Variants in YBEY observed in about 807,000 individuals in gnomAD.
YBEY encodes the protein endoribonuclease YbeY.
A neutral mutation model predicts 13.5 loss-of-function variants in YBEY; 15 were observed. That is an observed-to-expected ratio of 1.11 (90% CI 0.75 to 1.72). YBEY has a LOEUF of 1.72. Among genes scored for constraint, YBEY ranks in the 40% most tolerant of loss-of-function variants. The pLI is 0.00. For missense variants in YBEY, 244 were observed against 208.4 expected (o/e 1.17, Z -1.05); for synonymous variants, 101 against 83.1 (o/e 1.21, Z -1.17).
At position 46,286,878 on chromosome 21, in the gene YBEY, G is replaced by A; in HGVS notation, c.-36G>A. ...TTACACTTTAACCCCAGGTTCCGTT[G>A]CAAACATTTTTAAAGGGCTGGTTAT... On this transcript the variant is annotated 5_prime_UTR_variant, in exon 2 of 5. Transcript: ENST00000397701. The A allele has an allele frequency of 6.2e-7, 1 of 1,608,654 alleles. No individual in the cohort carries two copies. The highest frequency in any genetic ancestry group is 8.5e-7 in the Non-Finnish European group (1 of 1,175,846).
At chr21:46,292,595 C>T (rs1268840169) in intron 3 of YBEY, among the ~76,000 whole-genome samples, 13 of 123,692 alleles carry the variant, frequency 1.1e-4, no homozygotes, top group East Asian at 1.0e-3. Context: ...CGCGGTTAGC[C>T]TGACCCGTGC....
the YBEY span, among the ~76,000 whole-genome samples, chr21:46,309,959 T>C: frequency 4.6e-5 from 7 of 152,112 alleles, no homozygotes; most frequent in Non-Finnish European, 8.8e-5. Context: ...ATCACGCCAC[T>C]GCACTCCAGC....
the YBEY span, among the ~76,000 whole-genome samples, chr21:46,311,214 T>G: frequency 6.6e-6 from 1 of 152,200 alleles, no homozygotes; most frequent in Admixed American, 6.5e-5. Context: ...GGTTTTTGAA[T>G]GGATGATGAT....
At chr21:46,298,434 C>CTTTTTTTTTTTTTTT (rs557264546), downstream of YBEY, among the ~76,000 whole-genome samples, 405 of 97,078 alleles carry the variant, frequency 4.2e-3, 74 homozygotes, top group Admixed American at 5.6e-3. Flanking sequence ...TTAATCCAAG[C>CTTTTTTTTTTTTTTT]TTTTTTTTTT....
chr21:46,311,367 C>A, the YBEY span: 1 of 617,854 alleles, frequency 1.6e-6, no homozygotes, highest in Non-Finnish European at 2.7e-6. Context: ...CAAAAGCTGG[C>A]CCTAAGTGAC....
At chr21:46,302,255 G>T, downstream of YBEY, 1 of 1,430,412 alleles carries the variant, frequency 7.0e-7, no homozygotes, top group Non-Finnish European at 9.2e-7. Context: ...GTGATAGGCA[G>T]GATGGCAGGG....
chr21:46,289,677 C>G (rs1257131284), intron 2 of YBEY, among the ~76,000 whole-genome samples: 7 of 151,802 alleles, frequency 4.6e-5, no homozygotes, highest in Admixed American at 4.6e-4. Flanking sequence ...TGGTCTAGAA[C>G]TCCTGACCTC....
At chr21:46,287,496 C>T (rs980734174) in intron 2 of YBEY, among the ~76,000 whole-genome samples, 5 of 152,150 alleles carry the variant, frequency 3.3e-5, no homozygotes, top group African/African-American at 1.2e-4. Flanking sequence ...CCAGAGCACC[C>T]GGCCTAAATT....
chr21:46,302,398 G>T, downstream of YBEY: 1 of 1,173,938 alleles, frequency 8.5e-7, no homozygotes, highest in Non-Finnish European at 1.2e-6. Flanking sequence ...TGCCCTTTCA[G>T]AGCTACACAG....
downstream of YBEY, chr21:46,302,509 G>T (rs1354188460): frequency 2.5e-6 from 4 of 1,611,942 alleles, no homozygotes; most frequent in East Asian, 8.9e-5. Flanking sequence ...GCAGGGCCTT[G>T]AGCATCCAGT....
downstream of YBEY, chr21:46,301,794 A>G: frequency 8.0e-7 from 1 of 1,242,986 alleles, no homozygotes; most frequent in Non-Finnish European, 1.0e-6. Flanking sequence ...GACCCGGAGC[A>G]AGGGATGCCC....
downstream of YBEY, among the ~76,000 whole-genome samples, chr21:46,298,434 C>CTTTTTTTTGTTTTTTTTTTTTT (rs2082019180): frequency 1.0e-5 from 1 of 97,160 alleles, no homozygotes; most frequent in African/African-American, 3.6e-5. Flanking sequence ...TTAATCCAAG[C>CTTTTTTTTGTTTTTTTTTTTTT]TTTTTTTTTT....
At chr21:46,288,919 G>T (rs1359495876) in intron 2 of YBEY, among the ~76,000 whole-genome samples, 1 of 152,098 alleles carries the variant, frequency 6.6e-6, no homozygotes, top group Non-Finnish European at 1.5e-5. Context: ...AGCTACTCAG[G>T]AGGCTAAGGT....
chr21:46,287,539 A>T (rs1235468270), intron 2 of YBEY, among the ~76,000 whole-genome samples: 2 of 152,174 alleles, frequency 1.3e-5, no homozygotes. Flanking sequence ...GCTAGGCTCC[A>T]TGGTGCCTAT....
chr21:46,307,504 ACTT>A, the YBEY span, among the ~76,000 whole-genome samples: 1 of 152,098 alleles, frequency 6.6e-6, no homozygotes, highest in African/African-American at 2.4e-5. Context: ...CTATCACTAA[ACTT>A]CATCTGGAAA....
chr21:46,290,029 T>TCA (rs56340130), intron 2 of YBEY, among the ~76,000 whole-genome samples: 1 of 41,692 alleles, frequency 2.4e-5, no homozygotes. Context: ...GGTTGCAGTT[T>TCA]TGTATGTGTG....
chr21:46,300,266 C>T (rs140957059), downstream of YBEY: 7,951 of 154,138 alleles, frequency 0.052, 263 homozygotes, highest in Middle Eastern at 0.11. Flanking sequence ...CCCGTCTCTA[C>T]TAAAAATACA....
At chr21:46,301,042 C>G (rs1432163093), downstream of YBEY, 1 of 1,036,442 alleles carries the variant, frequency 9.6e-7, no homozygotes, top group African/African-American at 1.7e-5. Flanking sequence ...GCTGTGCAAA[C>G]CAGCATGTAG....
chr21:46,299,536 C>T (rs1270744642), downstream of YBEY, among the ~76,000 whole-genome samples: 2 of 152,152 alleles, frequency 1.3e-5, no homozygotes, highest in South Asian at 2.1e-4. Context: ...GTCACCCGGC[C>T]CTTCACGTTC....
Sources: allele counts gnomAD v4.1 joint callset (sites outside exome capture counted in the v4.1 genomes callset), GRCh38; gene constraint gnomAD v4.1.1; transcripts MANE v1.5; gene names NCBI Gene and HGNC (gene_info 2026-07-23, HGNC 2026-07-21).